The following ALK variants were observed in gnomAD, a reference collection of about 807,000 sequenced individuals.
ALK encodes the protein ALK receptor tyrosine kinase.
In ALK, 74 loss-of-function variants were observed where a neutral mutation model predicts 163.1. The observed-to-expected ratio is 0.45, with a 90% CI of 0.38 to 0.55. ALK has a LOEUF of 0.55. Ranked by LOEUF, ALK falls within the 20% of genes least tolerant of loss-of-function variation. ALK has a pLI of 0.00. For missense variants in ALK, 2,063 were observed against 2,105.3 expected, an observed-to-expected ratio of 0.98 and a Z score of 0.39; for synonymous variants, 960 against 843.2, an observed-to-expected ratio of 1.14 and a Z score of -2.40.
At chr2:29,268,784 G>T (rs34264702) in intron 11 of ALK, among the ~76,000 whole-genome samples, 8,312 of 152,204 alleles carry the variant, frequency 0.055, 291 homozygotes, top group South Asian at 0.11. Flanking sequence ...GATTGAGCCG[G>T]CTTGACTTTG....
At chr2:29,236,383 G>C (rs192048740) in intron 13 of ALK, among the ~76,000 whole-genome samples, 132 of 152,308 alleles carry the variant, frequency 8.7e-4, no homozygotes, top group African/African-American at 3.0e-3. Context: ...AGATTGCTGG[G>C]ATGGGGAGGA....
At chr2:29,353,980 G>A (rs974098053) in intron 5 of ALK, among the ~76,000 whole-genome samples, 1 of 152,188 alleles carries the variant, frequency 6.6e-6, no homozygotes, top group South Asian at 2.1e-4. Flanking sequence ...ACAGCCTTTG[G>A]TCCTTAAGCA....
intron 4 of ALK, among the ~76,000 whole-genome samples, chr2:29,411,585 A>G (rs1669726325): frequency 6.6e-6 from 1 of 152,048 alleles, no homozygotes; most frequent in African/African-American, 2.4e-5. Context: ...TAGCTGGGAG[A>G]TGTCTTCAAA....
At chr2:29,493,259 C>T (rs1431726953) in intron 4 of ALK, among the ~76,000 whole-genome samples, 1 of 152,178 alleles carries the variant, frequency 6.6e-6, no homozygotes, top group Non-Finnish European at 1.5e-5. Flanking sequence ...TCAAATGGCT[C>T]CACCTGGGTA....
chr2:29,577,932 G>A (rs1674571024), intron 3 of ALK, among the ~76,000 whole-genome samples: 1 of 152,204 alleles, frequency 6.6e-6, no homozygotes, highest in South Asian at 2.1e-4. Flanking sequence ...GTTGAGGGGT[G>A]GCGGCACTGG....
chr2:29,215,963 C>T (rs907073315), intron 23 of ALK, among the ~76,000 whole-genome samples: 6 of 152,090 alleles, frequency 3.9e-5, no homozygotes, highest in East Asian at 1.9e-4. Flanking sequence ...TCAGGGGACC[C>T]GAGGTATTGA....
chr2:29,911,358 A>G (rs1195568860), intron 1 of ALK, among the ~76,000 whole-genome samples: 3 of 152,230 alleles, frequency 2.0e-5, no homozygotes, highest in Non-Finnish European at 4.4e-5. Context: ...AGAAACCACA[A>G]CTTTCAGGAT....
In ALK at chr2:29,658,695, G is replaced by A. The variant is rs963894600; in HGVS notation, c.952+36155C>T. On this transcript the variant is annotated intron_variant, in intron 3 of 28. Coordinates refer to ENST00000389048, the MANE Select transcript of ALK (RefSeq NM_004304.5). ...AGTGTGACGAGTGCCATTTTATTTA[G>A]CATACATATTAATGCTAGTATATTT... Among the ~76,000 whole-genome samples, 3 of 152,248 alleles carry A rather than the reference G, an allele frequency of 2.0e-5. No individual in the cohort carries two copies. The South Asian group carries it at 6.2e-4, about 32-fold the overall frequency.
chr2:29,470,733 G>A (rs77390287), intron 4 of ALK, among the ~76,000 whole-genome samples: 4,696 of 150,782 alleles, frequency 0.031, 117 homozygotes, highest in Middle Eastern at 0.069. Flanking sequence ...AAATATTAAC[G>A]CAAGCTCTTG....
At chr2:29,622,612 C>G (rs1676067369) in intron 3 of ALK, among the ~76,000 whole-genome samples, 1 of 152,172 alleles carries the variant, frequency 6.6e-6, no homozygotes, top group East Asian at 1.9e-4. Flanking sequence ...AAAATCATAA[C>G]TTTACACAGA....
At chr2:29,371,979 G>A (rs1211864303) in intron 5 of ALK, among the ~76,000 whole-genome samples, 2 of 152,166 alleles carry the variant, frequency 1.3e-5, no homozygotes, top group East Asian at 1.9e-4. Context: ...GAAGGTCTTC[G>A]ATGCTTTATC....
chr2:29,835,805 A>G (rs893125943), intron 1 of ALK, among the ~76,000 whole-genome samples: 4 of 152,120 alleles, frequency 2.6e-5, no homozygotes, highest in African/African-American at 9.7e-5. Flanking sequence ...TCTCGTTCTT[A>G]CTTGTCTGCC....
At chr2:29,331,637 G>A (rs78139214) in intron 5 of ALK, among the ~76,000 whole-genome samples, 1,781 of 152,276 alleles carry the variant, frequency 0.012, 29 homozygotes, top group African/African-American at 0.04. Context: ...TCCCACGGAA[G>A]GTGTGGTCTC....
intron 11 of ALK, among the ~76,000 whole-genome samples, chr2:29,262,888 C>T (rs980825191): frequency 6.6e-6 from 1 of 152,222 alleles, no homozygotes; most frequent in African/African-American, 2.4e-5. Context: ...CCCTGCTCCC[C>T]AAGGGAAAGT....
At chr2:29,354,374 A>G (rs1668191646) in intron 5 of ALK, among the ~76,000 whole-genome samples, 1 of 152,184 alleles carries the variant, frequency 6.6e-6, no homozygotes, top group African/African-American at 2.4e-5. Context: ...ATCTGGGCCC[A>G]TCAGATTCCT....
chr2:29,756,742 G>A (rs578002556), intron 1 of ALK, among the ~76,000 whole-genome samples: 3 of 152,176 alleles, frequency 2.0e-5, no homozygotes, highest in Admixed American at 1.3e-4. Context: ...AGCCAGGCTT[G>A]TCTTGAAATC....
intron 1 of ALK, among the ~76,000 whole-genome samples, chr2:29,829,581 T>C (rs1665305362): frequency 1.3e-5 from 2 of 152,234 alleles, no homozygotes; most frequent in African/African-American, 4.8e-5. Flanking sequence ...GGACCAATTA[T>C]TTAGAATCAG....
rs142219968 is a variant in ALK, at chr2:29,605,395, A to C, written c.953-73279T>G. Among the ~76,000 whole-genome samples the C allele has an allele frequency of 6.9e-3, 1,056 of 152,342 alleles. 12 individuals are homozygous for C. Among genetic ancestry groups the C allele is most frequent in the South Asian group, 0.043 (210 of 4,828 alleles). ...TTGTGGAGGCCTGTCATAAATGACC[A>C]GGATTGAAAGGGGCCTTAAAAAGTT... On this transcript the variant is annotated intron_variant, in intron 3 of 28. Transcript: ENST00000389048.
intron 5 of ALK, among the ~76,000 whole-genome samples, chr2:29,351,780 G>A (rs1336694045): frequency 6.6e-6 from 1 of 151,486 alleles, no homozygotes; most frequent in Non-Finnish European, 1.5e-5. Context: ...GGTGGGAGAG[G>A]CAGACCCAGA....
Sources: allele counts gnomAD v4.1 joint callset (sites outside exome capture counted in the v4.1 genomes callset), GRCh38; gene constraint gnomAD v4.1.1; transcripts MANE v1.5; gene names NCBI Gene and HGNC (gene_info 2026-07-23, HGNC 2026-07-21).